The following TAS2R1 variants were observed in gnomAD, a reference collection of about 807,000 sequenced individuals.
The protein encoded by TAS2R1 is taste 2 receptor member 1, also known as taste receptor type 2 member 1.
For missense variants in TAS2R1, 370 were observed against 353.4 expected, an observed-to-expected ratio of 1.05 and a Z score of -0.38; for synonymous variants, 141 against 134.2, an observed-to-expected ratio of 1.05 and a Z score of -0.35.
chr5:9,629,135 A>T lies in TAS2R1; in HGVS notation c.898T>A (p.Ter300ArgextTer11). The T allele has an allele frequency of 6.5e-7, 1 of 1,545,542 alleles. No individual in the cohort carries two copies. The highest frequency in any genetic ancestry group is 8.7e-7 in the Non-Finnish European group (1 of 1,149,156). Reference sequence around the variant, plus strand: ...TTTGAACTGATCCAACTTCTCTCTCACTGACAGCACTTACTGTGGAGGAGG... The same window carrying T: ...TTTGAACTGATCCAACTTCTCTCTCTCTGACAGCACTTACTGTGGAGGAGG... ...KFLLHSKCCQ[*>R] The change falls in exon 1 of 1, where the codon TGA (stop) becomes AGA (arginine). Residue 300 changes from the stop codon to arginine, a stop_lost. Coordinates refer to ENST00000382492, the MANE Select transcript of TAS2R1 (RefSeq NM_019599.3).
chr5:9,666,449 A>G (rs1030059113), intron 1 of TAS2R1, among the ~76,000 whole-genome samples: 9 of 152,182 alleles, frequency 5.9e-5, no homozygotes, highest in Admixed American at 5.9e-4. Context: ...ATTGATGTTC[A>G]TTATATCTGG....
the TAS2R1 span, among the ~76,000 whole-genome samples, chr5:9,751,566 T>C: frequency 6.6e-6 from 1 of 152,186 alleles, no homozygotes; most frequent in African/African-American, 2.4e-5. Context: ...CCTTCTGTTT[T>C]CTTTTTATTA....
chr5:9,644,497 A>C (rs1046981498), intron 2 of TAS2R1, among the ~76,000 whole-genome samples: 1 of 152,096 alleles, frequency 6.6e-6, no homozygotes, highest in African/African-American at 2.4e-5. Context: ...CCATTTTTCA[A>C]GAAGGAGAAG....
the TAS2R1 span, among the ~76,000 whole-genome samples, chr5:9,795,813 T>C: frequency 1.3e-5 from 2 of 152,180 alleles, no homozygotes; most frequent in African/African-American, 4.8e-5. Flanking sequence ...CTTGAATTTG[T>C]CTGTGTTGGT....
chr5:9,649,408 G>A (rs1450403055), intron 2 of TAS2R1, among the ~76,000 whole-genome samples: 1 of 152,166 alleles, frequency 6.6e-6, no homozygotes, highest in African/African-American at 2.4e-5. Context: ...CAAAATATTT[G>A]TGCAGAAGTT....
rs1740052040 is a variant in TAS2R1 at position 9,640,460 on chromosome 5, T to C, written c.-80-10468A>G. 3.6e-5 allele frequency among the ~76,000 whole-genome samples: 5 copies of C among 139,144 alleles called. No individual in the cohort carries two copies. The Admixed American group carries it at 3.9e-4, about 11-fold the overall frequency. The allele number at this position is 139,144 out of a possible 152,430, so 91.3% of individuals were successfully genotyped here. A position where few individuals can be genotyped will look rare whatever the true frequency, so the allele number is the denominator to read the frequency against. ...TGTTGGAAAAATGACCCCGATAAAC[T>C]TGCTTGACACAGAATTGCCACAAAC... On this transcript the variant is annotated intron_variant, in intron 2 of 2. Coordinates refer to the TAS2R1 transcript ENST00000506620.
the TAS2R1 span, among the ~76,000 whole-genome samples, chr5:9,876,069 T>G: frequency 6.6e-6 from 1 of 152,002 alleles, no homozygotes; most frequent in Non-Finnish European, 1.5e-5. Flanking sequence ...TCCAGAGTGG[T>G]GTCCTCTCCT....
chr5:9,860,385 T>G, the TAS2R1 span, among the ~76,000 whole-genome samples: 1 of 152,124 alleles, frequency 6.6e-6, no homozygotes, highest in Non-Finnish European at 1.5e-5. Context: ...CTCATCTCCC[T>G]CCCCAGCTCA....
rs1250365894 is a variant in TAS2R1 at position 9,628,103 on chromosome 5, A to G, written c.*1030T>C. ...ATGGTTCTGAAGCTGTTTTGGAAATATACAAGTATATCTATCTCCATAATT... is the reference window on the plus strand; with the variant it reads ...ATGGTTCTGAAGCTGTTTTGGAAATGTACAAGTATATCTATCTCCATAATT... On this transcript the variant is annotated 3_prime_UTR_variant, in exon 1 of 1. Transcript: ENST00000382492. Among the ~76,000 whole-genome samples, 1 of 151,678 alleles carries G rather than the reference A, an allele frequency of 6.6e-6. No individual in the cohort carries two copies.
intron 1 of TAS2R1, among the ~76,000 whole-genome samples, chr5:9,666,543 G>C (rs563548052): frequency 6.6e-6 from 1 of 152,282 alleles, no homozygotes; most frequent in East Asian, 1.9e-4. Flanking sequence ...TTTCTTCCTT[G>C]ATGATGATAC....
At chr5:9,840,636 C>T in the TAS2R1 span, among the ~76,000 whole-genome samples, 1 of 151,848 alleles carries the variant, frequency 6.6e-6, no homozygotes, top group African/African-American at 2.4e-5. Flanking sequence ...TCATTTTGTA[C>T]AGTCAATGTT....
the TAS2R1 span, among the ~76,000 whole-genome samples, chr5:9,812,151 GC>G: frequency 1.3e-5 from 2 of 151,876 alleles, no homozygotes; most frequent in South Asian, 4.2e-4. Flanking sequence ...TCACCCCCCT[GC>G]CCCACCCAAT....
chr5:9,680,993 C>T (rs540034697), intron 1 of TAS2R1, among the ~76,000 whole-genome samples: 2 of 152,168 alleles, frequency 1.3e-5, no homozygotes, highest in Admixed American at 6.5e-5. Flanking sequence ...ACCCAGGAGG[C>T]GGGGGCTGCA....
At chr5:9,761,488 A>G in the TAS2R1 span, among the ~76,000 whole-genome samples, 2 of 152,226 alleles carry the variant, frequency 1.3e-5, no homozygotes, top group African/African-American at 4.8e-5. Flanking sequence ...AATAAAATAA[A>G]AGACTTAAAT....
chr5:9,788,679 A>G, the TAS2R1 span, among the ~76,000 whole-genome samples: 1 of 152,212 alleles, frequency 6.6e-6, no homozygotes, highest in Admixed American at 6.5e-5. Context: ...CTTTCATCTC[A>G]GAGAGAAATG....
the TAS2R1 span, among the ~76,000 whole-genome samples, chr5:9,743,747 C>T: frequency 6.6e-6 from 1 of 152,100 alleles, no homozygotes; most frequent in South Asian, 2.1e-4. Context: ...AGATTTCTCA[C>T]CCAGACTAAG....
intron 1 of TAS2R1, among the ~76,000 whole-genome samples, chr5:9,681,221 T>C (rs1740989490): frequency 6.6e-6 from 1 of 152,142 alleles, no homozygotes; most frequent in South Asian, 2.1e-4. Flanking sequence ...ATTGGATTGG[T>C]TCATTAATTG....
At chr5:9,796,721 GAA>G in the TAS2R1 span, among the ~76,000 whole-genome samples, 9 of 99,762 alleles carry the variant, frequency 9.0e-5, no homozygotes, top group African/African-American at 2.8e-4. Flanking sequence ...CTATTTTCTG[GAA>G]AAAAAAAAAA....
the TAS2R1 span, among the ~76,000 whole-genome samples, chr5:9,883,606 T>C: frequency 1.3e-5 from 2 of 152,140 alleles, no homozygotes; most frequent in African/African-American, 4.8e-5. Flanking sequence ...CCAGATAAAA[T>C]TGATTTTATC....
Sources: allele counts gnomAD v4.1 joint callset (sites outside exome capture counted in the v4.1 genomes callset), GRCh38; gene constraint gnomAD v4.1.1; transcripts MANE v1.5; gene names NCBI Gene and HGNC (gene_info 2026-07-23, HGNC 2026-07-21).